BMP1: variants seen among roughly 807,000 people sequenced by gnomAD.
The protein encoded by BMP1 is bone morphogenetic protein 1.
A neutral mutation model predicts 116.8 loss-of-function variants in BMP1; 63 were observed. The observed-to-expected ratio is 0.54, with a 90% CI of 0.44 to 0.67. The LOEUF is 0.67. BMP1 is among the 30% of genes least tolerant of loss of function. BMP1 has a pLI of 0.00. For missense variants in BMP1, 1,183 were observed against 1,358.9 expected (o/e 0.87, Z 2.04); for synonymous variants, 536 against 533.4 (o/e 1.00, Z -0.07).
intron 1 of BMP1, 57 bp from the exon 2 acceptor site, chr8:22,173,545 G>A (rs1828341168): frequency 5.1e-6 from 7 of 1,360,308 alleles, no homozygotes; most frequent in African/African-American, 1.5e-5. Context: ...GAAGCACGGT[G>A]CACCTAGGGC....
At chr8:22,174,998 G>T (rs1828391903) in intron 2 of BMP1, among the ~76,000 whole-genome samples, 1 of 152,224 alleles carries the variant, frequency 6.6e-6, no homozygotes, top group Middle Eastern at 3.2e-3. Flanking sequence ...GTCCTGTCCA[G>T]CTTGAGGGAA....
At chr8:22,172,255 C>T (rs1168290819) in intron 1 of BMP1, among the ~76,000 whole-genome samples, 2 of 152,238 alleles carry the variant, frequency 1.3e-5, no homozygotes, top group African/African-American at 4.8e-5. Context: ...CAGCCTCCCA[C>T]TTCCCCCAGC....
intron 19 of BMP1, among the ~76,000 whole-genome samples, 187 bp downstream of exon 19, chr8:22,209,882 C>T (rs1829430712): frequency 6.6e-6 from 1 of 152,278 alleles, no homozygotes; most frequent in Admixed American, 6.5e-5. Flanking sequence ...GACACTGCCC[C>T]ATCCCCGACG....
At chr8:22,173,794 C>CGGGA (rs1432043227) in intron 2 of BMP1, 79 bp downstream of exon 2, 1 of 1,171,214 alleles carries the variant, frequency 8.5e-7, no homozygotes, top group Non-Finnish European at 1.2e-6. Flanking sequence ...TCCCTGTTCC[C>CGGGA]AGCCAGGCCC....
rs1257093673 is a variant in BMP1, at chr8:22,197,252, G to A, written c.1939G>A (p.Asp647Asn). Residue 647 changes from aspartate (D) to asparagine (N), a missense_variant, in exon 15 of 20, where the codon GAC becomes AAC. Coordinates refer to ENST00000306385, the MANE Select transcript of BMP1 (RefSeq NM_006129.5). ...GGCTTCCCTGCAGGTGTGCAAGTAC[G>A]ACTTCGTGGAGGTGCGCAGTGGACT... ...ETEGNDVCKY[D>N]FVEVRSGLTA... is the part of the protein sequence containing the mutation. The A allele has an allele frequency of 1.1e-5, 18 of 1,610,316 alleles. No individual in the cohort carries two copies. The highest frequency in any genetic ancestry group is 8.5e-6 in the Non-Finnish European group (10 of 1,176,924).
rs759345444 is a variant in BMP1, at chr8:22,194,514, G to A, written c.1367G>A (p.Arg456Gln). The A allele has an allele frequency of 9.9e-6, 16 of 1,614,054 alleles. No individual in the cohort carries two copies. Among genetic ancestry groups the A allele is most frequent in the Admixed American group, 3.3e-5 (2 of 59,998 alleles). ...IQSPNYPDDY[R>Q]PSKVCIWRIQ... ...TCGCCCAACTACCCAGACGATTACC[G>A]GCCCAGCAAAGTCTGCATCTGGCGG... is the stretch of plus-strand genomic sequence containing the variant. Residue 456 changes from arginine (R) to glutamine (Q), a missense_variant, in exon 11 of 20, where the codon CGG (arginine) becomes CAG (glutamine). Physicochemically the swap from Arg to Gln is conservative, Grantham distance 43. Coordinates refer to ENST00000306385, the MANE Select transcript of BMP1 (RefSeq NM_006129.5). This position sits in a 1 kb window ranked among gnomAD's most constrained non-coding sequence, Gnocchi z 4.5.
chr8:22,171,196 G>C (rs1213954227), intron 1 of BMP1: 1 of 152,238 alleles, frequency 6.6e-6, no homozygotes, highest in Non-Finnish European at 1.5e-5. Context: ...GAGATTTGGG[G>C]TCACTTACTG....
intron 1 of BMP1, among the ~76,000 whole-genome samples, chr8:22,165,888 T>TGTGTGC (rs1828088031): frequency 3.4e-5 from 4 of 116,756 alleles, no homozygotes; most frequent in Admixed American, 2.6e-4. Flanking sequence ...CGTGCGTGTG[T>TGTGTGC]GTGTGTGTGT....
chr8:22,172,047 T>C (rs1828293146), intron 1 of BMP1, among the ~76,000 whole-genome samples: 2 of 152,200 alleles, frequency 1.3e-5, no homozygotes, highest in Non-Finnish European at 2.9e-5. Context: ...TGTCTGATTC[T>C]GTATGTGATG....
At chr8:22,201,680 A>G (rs1829266382) in intron 15 of BMP1, 123 bp from the exon 16 acceptor site, 1 of 1,490,940 alleles carries the variant, frequency 6.7e-7, no homozygotes, top group Admixed American at 2.1e-5. Flanking sequence ...TGGCCTGGCC[A>G]GCTCTGCCAG....
chr8:22,193,415 T>C lies in BMP1; in HGVS notation c.1181-643T>C, dbSNP rs569020726. On this transcript the variant is annotated intron_variant, in intron 9 of 19. Transcript: ENST00000306385. Reference sequence around the variant, plus strand: ...GTCTCTTCTTTGCATAGAGACCAAATAAGAAAAGGTAAATAATGATGGTAA... The same window carrying C: ...GTCTCTTCTTTGCATAGAGACCAAACAAGAAAAGGTAAATAATGATGGTAA... Among the ~76,000 whole-genome samples, 81 of 152,320 alleles carry C rather than the reference T, an allele frequency of 5.3e-4. 1 individual carries two copies. Among genetic ancestry groups the C allele is most frequent in the African/African-American group, 1.9e-3 (77 of 41,570 alleles).
intron 13 of BMP1, chr8:22,196,477 C>G (rs1446948141): frequency 1.7e-5 from 11 of 657,250 alleles, no homozygotes; most frequent in Non-Finnish European, 2.6e-5. Flanking sequence ...AGCTCCCCCA[C>G]TCCTCCCTAC....
intron 5 of BMP1, among the ~76,000 whole-genome samples, chr8:22,177,397 C>T (rs141922525): frequency 6.6e-6 from 1 of 152,366 alleles, no homozygotes; most frequent in East Asian, 1.9e-4. Context: ...GTAGCCCGGG[C>T]AGCCTCTAGG....
intron 4 of BMP1, 72 bp from the exon 5 acceptor site, chr8:22,176,889 C>T: frequency 7.3e-7 from 1 of 1,374,052 alleles, no homozygotes; most frequent in Non-Finnish European, 9.9e-7. Context: ...CCCCCGGCAG[C>T]CTGGCCCCGC....
chr8:22,199,509 C>T, intron 15 of BMP1: 1 of 983,604 alleles, frequency 1.0e-6, no homozygotes, highest in Non-Finnish European at 1.3e-6. Flanking sequence ...AAGCAGCCTT[C>T]CTCAGGACTC....
intron 7 of BMP1, 53 bp from the exon 8 acceptor site, chr8:22,180,315 G>A (rs1161817492): frequency 6.9e-7 from 1 of 1,457,736 alleles, no homozygotes; most frequent in Non-Finnish European, 9.6e-7. Context: ...TGAGCCAGAA[G>A]ATGGGGGGAT....
At chr8:22,176,699 A>C (rs750645595) in intron 4 of BMP1, 49 bp downstream of exon 4, 2 of 1,593,536 alleles carry the variant, frequency 1.3e-6, no homozygotes, top group African/African-American at 2.7e-5. Flanking sequence ...GCCCCAACCC[A>C]GGTTCTGCCC....
intron 15 of BMP1, chr8:22,199,110 C>A (rs747497316): frequency 4.4e-5 from 60 of 1,367,470 alleles, no homozygotes; most frequent in Non-Finnish European, 5.6e-5. Flanking sequence ...CTGTGCCCGC[C>A]CCACCCTCAG....
At chr8:22,192,852 C>T (rs1328860228) in intron 9 of BMP1, among the ~76,000 whole-genome samples, 1 of 152,286 alleles carries the variant, frequency 6.6e-6, no homozygotes, top group South Asian at 2.1e-4. Flanking sequence ...TGGACGTGAT[C>T]GTAAGGAGCT....
Sources: gnomAD v4.1 joint callset for allele counts (sites outside exome capture counted in the v4.1 genomes callset) on GRCh38, gnomAD v4.1.1 for gene constraint, Gnocchi (gnomAD v3.1) non-coding constraint, MANE v1.5 for transcripts, NCBI Gene and HGNC (gene_info 2026-07-23, HGNC 2026-07-21) for gene names.